Variants in PTPRJ observed in about 807,000 individuals in gnomAD.
PTPRJ encodes protein tyrosine phosphatase receptor type J.
In PTPRJ, 129 loss-of-function variants were observed where a neutral mutation model predicts 141.3. The ratio of observed to expected loss-of-function variants is 0.91; its 90% CI spans 0.79 to 1.06. The LOEUF is 1.06. Among genes scored for constraint, PTPRJ ranks in the 50% least tolerant of loss-of-function variants. The pLI is 0.00. For missense variants in PTPRJ, 1,601 were observed against 1,679.7 expected (o/e 0.95, Z 0.82); for synonymous variants, 610 against 640.5 (o/e 0.95, Z 0.72).
chr11:48,153,532 A>T (rs1857533600), intron 18 of PTPRJ, among the ~76,000 whole-genome samples: 1 of 144,266 alleles, frequency 6.9e-6, no homozygotes, highest in African/African-American at 2.5e-5. Flanking sequence ...AACAGGAAGT[A>T]GGGAGGGGCA....
intron 1 of PTPRJ, among the ~76,000 whole-genome samples, chr11:48,040,620 T>TTTTG (rs1854250871): frequency 6.6e-6 from 1 of 150,970 alleles, no homozygotes; most frequent in Admixed American, 6.6e-5. Flanking sequence ...TTCTTTTTTT[T>TTTTG]TTTTTTTTGA....
intron 1 of PTPRJ, among the ~76,000 whole-genome samples, chr11:48,077,466 C>T (rs1387728355): frequency 6.6e-6 from 1 of 152,202 alleles, no homozygotes; most frequent in East Asian, 1.9e-4. Flanking sequence ...GTGACCGACT[C>T]TTCCAGGAAT....
chr11:48,144,736 A>G lies in PTPRJ; in HGVS notation c.2637A>G (p.Ser879=). 2 of 1,614,222 alleles carry G rather than the reference A, an allele frequency of 1.2e-6. No individual in the cohort carries two copies. Among genetic ancestry groups the G allele is most frequent in the Non-Finnish European group, 1.7e-6 (2 of 1,180,018 alleles). The change falls in exon 13 of 25, where the codon TCA becomes TCG. Residue 879 remains serine, a synonymous_variant. Transcript: ENST00000418331. ...YTYEDFKKGA[S]DTYVTYLIRT... is the part of the protein sequence containing the mutation. The stretch of plus-strand genomic sequence containing the variant: ...ATGAGGATTTCAAAAAGGGAGCCTC[A>G]GATACTTATGTGACATACCTCATAA...
intron 1 of PTPRJ, among the ~76,000 whole-genome samples, chr11:47,983,580 T>A (rs762274097): frequency 6.6e-6 from 1 of 152,226 alleles, no homozygotes; most frequent in East Asian, 1.9e-4. Context: ...CATTCCCCTT[T>A]TCTAAGACAG....
At chr11:48,052,265 T>C (rs1458617799) in intron 1 of PTPRJ, among the ~76,000 whole-genome samples, 1 of 152,170 alleles carries the variant, frequency 6.6e-6, no homozygotes, top group Non-Finnish European at 1.5e-5. Flanking sequence ...GATTCAACTG[T>C]GAGTTTGTGC....
chr11:48,051,214 C>T (rs1854562165), intron 1 of PTPRJ, among the ~76,000 whole-genome samples: 1 of 149,292 alleles, frequency 6.7e-6, no homozygotes, highest in Non-Finnish European at 1.5e-5. Context: ...TCCTGCCTTG[C>T]CTCCTGAGTA....
Position 48,146,973 on chromosome 11 carries a change from C to G in PTPRJ, c.2999+10C>G. The G allele has an allele frequency of 1.2e-6, 2 of 1,603,562 alleles. No homozygotes were observed. Among genetic ancestry groups the G allele is most frequent in the South Asian group, 2.2e-5 (2 of 90,860 alleles). ...TCTGGAGAAAGAAGAGGTGATATTG[C>G]TTATGCTAATAATAATACTCTGGTA... is the stretch of plus-strand genomic sequence containing the variant. On this transcript the variant is annotated intron_variant, in intron 15 of 24. Transcript: ENST00000418331.
chr11:48,086,414 C>A (rs903462865), intron 1 of PTPRJ, among the ~76,000 whole-genome samples: 3 of 152,212 alleles, frequency 2.0e-5, no homozygotes, highest in Non-Finnish European at 4.4e-5. Context: ...TCAGGTGATC[C>A]ACTCGCTTCG....
At chr11:48,030,211 T>C (rs1331999382) in intron 1 of PTPRJ, among the ~76,000 whole-genome samples, 1 of 152,262 alleles carries the variant, frequency 6.6e-6, no homozygotes, top group Non-Finnish European at 1.5e-5. Flanking sequence ...TTTGGGCTTA[T>C]GTTACTTAGG....
At chr11:48,124,648 A>G (rs1243265322) in intron 5 of PTPRJ, among the ~76,000 whole-genome samples, 1 of 152,232 alleles carries the variant, frequency 6.6e-6, no homozygotes, top group African/African-American at 2.4e-5. Flanking sequence ...TGCTTCACAG[A>G]GCTGTCCCTG....
At chr11:48,079,090 C>T (rs1173273789) in intron 1 of PTPRJ, among the ~76,000 whole-genome samples, 2 of 151,390 alleles carry the variant, frequency 1.3e-5, no homozygotes, top group African/African-American at 2.4e-5. Flanking sequence ...CCCTGGGCCA[C>T]ACTGGAAGAA....
chr11:48,051,575 T>C (rs1288232592), intron 1 of PTPRJ, among the ~76,000 whole-genome samples: 1 of 152,224 alleles, frequency 6.6e-6, no homozygotes, highest in Non-Finnish European at 1.5e-5. Context: ...GACATCAGAA[T>C]CATTATGTTA....
chr11:48,094,234 A>G (rs375180403), intron 1 of PTPRJ, among the ~76,000 whole-genome samples: 7 of 152,256 alleles, frequency 4.6e-5, no homozygotes. Flanking sequence ...TTGCTAAAAC[A>G]TGTAAGAAGA....
In PTPRJ at chr11:48,137,179, G is replaced by A. The variant is rs979145597; in HGVS notation, c.2050G>A (p.Val684Ile). The change falls in exon 10 of 25, where the codon GTC (valine) becomes ATC (isoleucine). Residue 684 changes from valine (V) to isoleucine (I), a missense_variant. Physicochemically the swap from Val to Ile is conservative, Grantham distance 29. Coordinates refer to ENST00000418331, the MANE Select transcript of PTPRJ (RefSeq NM_002843.4). ...GGACATTGGAATTACTGACGCTACA[G>A]TCACTGAATTAATACCTGGCTCATC... Reference protein sequence around the residue: ...VTDIGITDATVTELIPGSSYT... With the variant: ...VTDIGITDATITELIPGSSYT... 21 of 1,613,068 alleles carry A rather than the reference G, an allele frequency of 1.3e-5. No homozygotes were observed. Among genetic ancestry groups the A allele is most frequent in the Non-Finnish European group, 1.6e-5 (19 of 1,179,128 alleles).
chr11:47,989,421 C>A (rs1323859346), intron 1 of PTPRJ, among the ~76,000 whole-genome samples: 1 of 151,684 alleles, frequency 6.6e-6, no homozygotes, highest in Non-Finnish European at 1.5e-5. Context: ...CGTGTGCCAC[C>A]ACGCCCAGCT....
chr11:48,125,471 G>A (rs1021926964), intron 6 of PTPRJ, among the ~76,000 whole-genome samples: 3 of 152,208 alleles, frequency 2.0e-5, no homozygotes, highest in Non-Finnish European at 2.9e-5. Context: ...GGTGGCTGAT[G>A]AGACAAACTG....
chr11:48,046,562 G>A (rs1183266978), intron 1 of PTPRJ, among the ~76,000 whole-genome samples: 1 of 152,206 alleles, frequency 6.6e-6, no homozygotes, highest in Non-Finnish European at 1.5e-5. Context: ...TTCTCACAGA[G>A]CTGAGAGTCT....
intron 1 of PTPRJ, among the ~76,000 whole-genome samples, chr11:48,087,896 T>C (rs1462670038): frequency 6.6e-6 from 1 of 152,238 alleles, no homozygotes; most frequent in African/African-American, 2.4e-5. Flanking sequence ...GAAAGGTCAG[T>C]GAGCAGCATC....
intron 3 of PTPRJ, among the ~76,000 whole-genome samples, chr11:48,120,336 T>A (rs1419891452): frequency 6.6e-6 from 1 of 152,196 alleles, no homozygotes; most frequent in Non-Finnish European, 1.5e-5. Flanking sequence ...TCCTTCTAGA[T>A]GTCAGGGTTT....
Sources: gnomAD v4.1 joint callset for allele counts (sites outside exome capture counted in the v4.1 genomes callset) on GRCh38, gnomAD v4.1.1 for gene constraint, MANE v1.5 for transcripts, NCBI Gene and HGNC (gene_info 2026-07-23, HGNC 2026-07-21) for gene names.